Variants in DAPK1 observed in about 807,000 individuals in gnomAD.
The protein encoded by DAPK1 is death associated protein kinase 1, also known as death-associated protein kinase 1.
A neutral mutation model predicts 144.9 loss-of-function variants in DAPK1; 56 were observed. The ratio of observed to expected loss-of-function variants is 0.39; its 90% CI spans 0.31 to 0.48. DAPK1 has a LOEUF of 0.48. Ranked by LOEUF, DAPK1 falls within the 20% of genes least tolerant of loss-of-function variation. The probability of loss-of-function intolerance (pLI) is 0.95; values close to 1 mark genes in which losing one functional copy is unlikely to be tolerated. For missense variants in DAPK1, 1,454 were observed against 1,875.4 expected (o/e 0.78, Z 4.15); for synonymous variants, 690 against 749.0 (o/e 0.92, Z 1.29).
chr9:87,602,949 A>C (rs1828580492), intron 2 of DAPK1, among the ~76,000 whole-genome samples: 1 of 131,594 alleles, frequency 7.6e-6, no homozygotes, highest in African/African-American at 3.5e-5. Flanking sequence ...TCTCTCTCTC[A>C]GCTTTTTAGT....
Position 87,528,599 on chromosome 9 carries a change from G to A in DAPK1, c.62+29460G>A, listed in dbSNP as rs111812865. On this transcript the variant is annotated intron_variant, in intron 2 of 25. Transcript: ENST00000408954. ...AAAGCTAACTTTCATCTCCTGCAGC[G>A]TTTGTTCAGATGTCACTTTCTCAGT... 4.1e-3 allele frequency among the ~76,000 whole-genome samples: 626 copies of A among 152,106 alleles called. 6 individuals carry two copies. The highest frequency in any genetic ancestry group is 0.014 in the African/African-American group (594 of 41,494).
intron 4 of DAPK1, 102 bp downstream of exon 4, chr9:87,638,183 TTCCTGTAC>T: frequency 1.6e-6 from 2 of 1,250,404 alleles, no homozygotes; most frequent in Non-Finnish European, 2.2e-6. Flanking sequence ...TTACATGATT[TTCCTGTAC>T]CAGTTTAACA....
chr9:87,549,317 C>T (rs781535323), intron 2 of DAPK1, among the ~76,000 whole-genome samples: 1 of 152,172 alleles, frequency 6.6e-6, no homozygotes, highest in Non-Finnish European at 1.5e-5. Flanking sequence ...ATATGTACCA[C>T]ATTTTCTTTA....
At chr9:87,622,889 C>T (rs920044221) in intron 3 of DAPK1, among the ~76,000 whole-genome samples, 3 of 151,896 alleles carry the variant, frequency 2.0e-5, no homozygotes, top group African/African-American at 7.3e-5. Flanking sequence ...CCAGCCTGGG[C>T]GGCAGAGTGA....
intron 2 of DAPK1, among the ~76,000 whole-genome samples, chr9:87,532,705 T>G (rs1309500871): frequency 6.6e-6 from 1 of 152,186 alleles, no homozygotes; most frequent in African/African-American, 2.4e-5. Context: ...CAGCTGATGC[T>G]TTGAGAGAAG....
At chr9:87,565,884 G>A (rs1273726281) in intron 2 of DAPK1, among the ~76,000 whole-genome samples, 1 of 152,158 alleles carries the variant, frequency 6.6e-6, no homozygotes, top group Non-Finnish European at 1.5e-5. Context: ...CAAGAACCCT[G>A]AGAGGTAGGC....
chr9:87,673,885 G>T (rs1221427613), intron 19 of DAPK1, among the ~76,000 whole-genome samples: 1 of 152,096 alleles, frequency 6.6e-6, no homozygotes, highest in African/African-American at 2.4e-5. Context: ...TTGGCTGTAG[G>T]TACCACCTTA....
chr9:87,664,268 G>A (rs1411981106), intron 18 of DAPK1, among the ~76,000 whole-genome samples: 1 of 152,068 alleles, frequency 6.6e-6, no homozygotes, highest in African/African-American at 2.4e-5. Context: ...TCATGGAGTT[G>A]TCACCTGCTG....
intron 3 of DAPK1, among the ~76,000 whole-genome samples, chr9:87,634,173 T>C (rs1055772298): frequency 3.9e-5 from 6 of 152,232 alleles, no homozygotes; most frequent in Non-Finnish European, 7.3e-5. Context: ...CATGATACAT[T>C]AGCAGAGCTG....
At chr9:87,701,542 A>G (rs2118071927) in intron 24 of DAPK1, among the ~76,000 whole-genome samples, 1 of 152,346 alleles carries the variant, frequency 6.6e-6, no homozygotes, top group Non-Finnish European at 1.5e-5. Context: ...TGCTTTGGAC[A>G]GATAAATGGT....
intron 2 of DAPK1, among the ~76,000 whole-genome samples, chr9:87,537,618 G>T (rs367710785): frequency 7.4e-6 from 1 of 135,856 alleles, no homozygotes; most frequent in Non-Finnish European, 1.6e-5. Flanking sequence ...ATGGTAAGTA[G>T]ATATATGTAT....
Position 87,640,467 on chromosome 9 carries a change from C to T in DAPK1, c.782+17C>T. The T allele has an allele frequency of 1.2e-6, 2 of 1,612,098 alleles. No individual in the cohort carries two copies. The highest frequency in any genetic ancestry group is 1.7e-6 in the Non-Finnish European group (2 of 1,178,940). On this transcript the variant is annotated intron_variant, in intron 8 of 25. Transcript: ENST00000408954. ...GGATCCAAAGTGAGTGTCCACGTTC[C>T]TGAAAGGTGCTTGGCCACGGCCTCA...
intron 2 of DAPK1, among the ~76,000 whole-genome samples, chr9:87,583,304 A>G (rs986795779): frequency 3.3e-5 from 5 of 152,172 alleles, no homozygotes; most frequent in East Asian, 3.9e-4. Flanking sequence ...TAGTAAATCA[A>G]TGAATGTAAG....
At chr9:87,508,437 G>T (rs541229820) in intron 2 of DAPK1, among the ~76,000 whole-genome samples, 1 of 151,516 alleles carries the variant, frequency 6.6e-6, no homozygotes, top group Admixed American at 6.6e-5. Flanking sequence ...CCACCTCCCG[G>T]GTTCACGCCA....
At chr9:87,634,864 G>A (rs919323085) in intron 3 of DAPK1, among the ~76,000 whole-genome samples, 1 of 152,024 alleles carries the variant, frequency 6.6e-6, no homozygotes, top group Non-Finnish European at 1.5e-5. Context: ...CCACCCCAAC[G>A]CCAAAGAACC....
chr9:87,555,215 C>G (rs1826661753), intron 2 of DAPK1, among the ~76,000 whole-genome samples: 1 of 152,202 alleles, frequency 6.6e-6, no homozygotes, highest in Non-Finnish European at 1.5e-5. Flanking sequence ...AAACCCAGTT[C>G]CTGATCTAGC....
intron 4 of DAPK1, 85 bp downstream of exon 4, chr9:87,638,166 G>T: frequency 7.2e-7 from 1 of 1,382,638 alleles, no homozygotes; most frequent in Non-Finnish European, 9.8e-7. Flanking sequence ...TGAGGCATCT[G>T]AAAGAGTTAC....
intron 2 of DAPK1, among the ~76,000 whole-genome samples, chr9:87,571,729 AGTGC>A (rs1827370056): frequency 6.6e-6 from 1 of 152,180 alleles, no homozygotes; most frequent in African/African-American, 2.4e-5. Context: ...ATCTGCGGGC[AGTGC>A]GTGCGTGCCA....
In DAPK1 at chr9:87,681,635, C is replaced by T; in HGVS notation, c.2224+9C>T. On this transcript the variant is annotated intron_variant, in intron 20 of 25. Coordinates refer to ENST00000408954, the MANE Select transcript of DAPK1 (RefSeq NM_004938.4). The stretch of plus-strand genomic sequence containing the variant: ...GGCTTCTAAGCCCACAGGTAGGAAC[C>T]TCCATGCTGGCCCCGTCTCTCCAGC... 1 of 1,390,846 alleles carries T rather than the reference C, an allele frequency of 7.2e-7. No homozygotes were observed. The highest frequency in any genetic ancestry group is 1.4e-5 in the African/African-American group (1 of 70,742). The allele number at this position is 1,390,846 out of a possible 1,614,324, so 86.2% of individuals were successfully genotyped here.
Sources: allele counts gnomAD v4.1 joint callset (sites outside exome capture counted in the v4.1 genomes callset), GRCh38; gene constraint gnomAD v4.1.1; transcripts MANE v1.5; gene names NCBI Gene and HGNC (gene_info 2026-07-23, HGNC 2026-07-21).